The following ZMYND11 variants were observed in gnomAD, a reference collection of about 807,000 sequenced individuals.
ZMYND11 encodes zinc finger MYND domain-containing protein 11.
A neutral mutation model predicts 84.9 loss-of-function variants in ZMYND11; 9 were observed. That is an observed-to-expected ratio of 0.11 (90% CI 0.06 to 0.18). The LOEUF (loss-of-function observed/expected upper bound fraction) is 0.18, where lower values mean the gene tolerates loss of function less well. Ranked by LOEUF, ZMYND11 falls within the 10% of genes least tolerant of loss-of-function variation. The probability of loss-of-function intolerance (pLI) is 1.00; values close to 1 mark genes in which losing one functional copy is unlikely to be tolerated. For synonymous variants in ZMYND11, 250 were observed against 244.1 expected (o/e 1.02, Z -0.23); for missense variants, 409 against 761.0 (o/e 0.54, Z 5.44).
chr10:217,716 C>G (rs1447696701), intron 3 of ZMYND11, among the ~76,000 whole-genome samples: 1 of 152,112 alleles, frequency 6.6e-6, no homozygotes, highest in Non-Finnish European at 1.5e-5. Context: ...CCCGTAAGGA[C>G]TGTCTGCGTA....
chr10:250,451 C>T (rs968668262), intron 14 of ZMYND11, among the ~76,000 whole-genome samples: 1 of 152,178 alleles, frequency 6.6e-6, no homozygotes, highest in Non-Finnish European at 1.5e-5. Flanking sequence ...GGTGTCATTG[C>T]ACCACTGCAC....
chr10:155,163 A>G (rs1841400979), intron 1 of ZMYND11, among the ~76,000 whole-genome samples: 2 of 152,218 alleles, frequency 1.3e-5, no homozygotes, highest in African/African-American at 4.8e-5. Context: ...ATGCTGAAAA[A>G]GGTACTTTTT....
At chr10:159,819 CAT>C (rs1554761027) in intron 1 of ZMYND11, among the ~76,000 whole-genome samples, 1 of 152,114 alleles carries the variant, frequency 6.6e-6, no homozygotes, top group African/African-American at 2.4e-5. Flanking sequence ...GGAATCTACT[CAT>C]ATTTTCATCT....
At chr10:205,703 A>G (rs1564378310) in intron 2 of ZMYND11, among the ~76,000 whole-genome samples, 2 of 150,530 alleles carry the variant, frequency 1.3e-5, no homozygotes, top group African/African-American at 4.9e-5. Context: ...AATAAAAAAT[A>G]AAAAAAAAGG....
chr10:239,555 T>A, intron 7 of ZMYND11, 30 bp downstream of exon 7: 1 of 1,434,678 alleles, frequency 7.0e-7, no homozygotes, highest in Non-Finnish European at 9.7e-7. Context: ...TTTGTATGCA[T>A]TTTTAAACAC....
At chr10:246,307 A>C (rs543454168) in intron 10 of ZMYND11, among the ~76,000 whole-genome samples, 6 of 152,276 alleles carry the variant, frequency 3.9e-5, no homozygotes, top group Admixed American at 6.5e-5. Context: ...ATCTTATGAA[A>C]ATTTTTGGGC....
intron 2 of ZMYND11, among the ~76,000 whole-genome samples, chr10:189,140 C>T (rs979565395): frequency 6.6e-6 from 1 of 152,212 alleles, no homozygotes; most frequent in Non-Finnish European, 1.5e-5. Flanking sequence ...CCTCTGACCT[C>T]TTGTGACATG....
At chr10:179,845 A>T (rs1156899478) in intron 1 of ZMYND11, 149 bp from the exon 2 acceptor site, 1 of 480,820 alleles carries the variant, frequency 2.1e-6, no homozygotes, top group Non-Finnish European at 3.7e-6. Context: ...GTAACTGGTG[A>T]TGTGGATGGT....
chr10:154,897 C>CAAGATCAGGT (rs1371642018), intron 1 of ZMYND11: 4 of 152,158 alleles, frequency 2.6e-5, no homozygotes, highest in African/African-American at 9.7e-5. Flanking sequence ...GCTTAGCTTC[C>CAAGATCAGGT]AAGATCAGGT....
At chr10:181,008 A>T (rs1367896) in intron 2 of ZMYND11, among the ~76,000 whole-genome samples, 140,312 of 152,154 alleles carry the variant, frequency 0.92, 65,102 homozygotes, top group Non-Finnish European at 0.97. Flanking sequence ...GTACCTTATG[A>T]AGCTTCTATT....
upstream of ZMYND11, among the ~76,000 whole-genome samples, chr10:134,124 T>G (rs781988501): frequency 2.6e-5 from 4 of 152,180 alleles, no homozygotes; most frequent in Non-Finnish European, 5.9e-5. Flanking sequence ...CACTACGTTT[T>G]CTCCTATACA....
At chr10:235,219 CTA>C (rs1480318287) in intron 4 of ZMYND11, among the ~76,000 whole-genome samples, 1 of 152,054 alleles carries the variant, frequency 6.6e-6, no homozygotes, top group African/African-American at 2.4e-5. Context: ...AATTTAATAA[CTA>C]GAGTTCAATG....
chr10:202,218 G>A lies in ZMYND11; in HGVS notation c.117-7671G>A, dbSNP rs373179109. Among the ~76,000 whole-genome samples the A allele has an allele frequency of 3.1e-4, 47 of 152,146 alleles. 1 individual carries two copies. The highest frequency in any genetic ancestry group is 1.7e-3 in the East Asian group (9 of 5,198). Reference sequence around the variant, plus strand: ...TATATTTGGCCTGTAATACGCAGTAGGATCACAGTACTCCTCTAGTTACTT... The same window carrying A: ...TATATTTGGCCTGTAATACGCAGTAAGATCACAGTACTCCTCTAGTTACTT... On this transcript the variant is annotated intron_variant, in intron 2 of 14. Coordinates refer to ENST00000381604, the MANE Select transcript of ZMYND11 (RefSeq NM_001370100.5).
intron 1 of ZMYND11, among the ~76,000 whole-genome samples, chr10:146,648 A>G (rs1838928780): frequency 6.6e-6 from 1 of 152,188 alleles, no homozygotes; most frequent in Non-Finnish European, 1.5e-5. Flanking sequence ...CTATCATAAA[A>G]GGGATTGAGT....
At position 165,165 on chromosome 10, in the gene ZMYND11, A is replaced by T. The variant is rs185271504; in HGVS notation, c.-19-14829A>T. On this transcript the variant is annotated intron_variant, in intron 1 of 14. Transcript: ENST00000381604. ...AGTCCAGTTGGGGTGCTATTATTTCACTAAGACAGCTCTTGCCAAAGTCAC... is the reference window on the plus strand; with the variant it reads ...AGTCCAGTTGGGGTGCTATTATTTCTCTAAGACAGCTCTTGCCAAAGTCAC... Among the ~76,000 whole-genome samples, 9 of 151,930 alleles carry T rather than the reference A, an allele frequency of 5.9e-5. No homozygotes were observed. In the East Asian group the frequency reaches 1.7e-3, roughly 29 times the overall value.
At chr10:157,999 T>C (rs529168249) in intron 1 of ZMYND11, among the ~76,000 whole-genome samples, 7 of 152,364 alleles carry the variant, frequency 4.6e-5, no homozygotes, top group Non-Finnish European at 8.8e-5. Flanking sequence ...TCACTTAGAA[T>C]GTTTTCGAGG....
At chr10:169,317 A>C (rs1554764959) in intron 1 of ZMYND11, among the ~76,000 whole-genome samples, 1 of 152,134 alleles carries the variant, frequency 6.6e-6, no homozygotes, top group Non-Finnish European at 1.5e-5. Flanking sequence ...TCCCTTCCCC[A>C]CACCTTACAC....
At chr10:220,595 C>G (rs1564404572) in intron 3 of ZMYND11, among the ~76,000 whole-genome samples, 1 of 152,092 alleles carries the variant, frequency 6.6e-6, no homozygotes. Context: ...GTGATTAAAC[C>G]TTTAGTTTCA....
chr10:209,048 T>TAGAG (rs1291198432), intron 2 of ZMYND11, among the ~76,000 whole-genome samples: 1 of 151,750 alleles, frequency 6.6e-6, no homozygotes, highest in Admixed American at 6.6e-5. Flanking sequence ...TATATATATA[T>TAGAG]ATAGAGAGAG....
Sources: allele counts gnomAD v4.1 joint callset (sites outside exome capture counted in the v4.1 genomes callset), GRCh38; gene constraint gnomAD v4.1.1; transcripts MANE v1.5; gene names NCBI Gene and HGNC (gene_info 2026-07-23, HGNC 2026-07-21).